CELSR2: variants seen among roughly 807,000 people sequenced by gnomAD.
The protein encoded by CELSR2 is EGF-like protein 2.
Under a neutral mutation model 251.6 loss-of-function variants are expected in CELSR2, and 81 were observed. That is an observed-to-expected ratio of 0.32 (90% CI 0.27 to 0.39). The LOEUF (loss-of-function observed/expected upper bound fraction) is 0.39, where lower values mean the gene tolerates loss of function less well. Among genes scored for constraint, CELSR2 ranks in the 10% least tolerant of loss-of-function variants. The probability of loss-of-function intolerance (pLI) is 1.00; values close to 1 mark genes in which losing one functional copy is unlikely to be tolerated. For missense variants in CELSR2, 3,365 were observed against 3,947.7 expected, an observed-to-expected ratio of 0.85 and a Z score of 3.96; for synonymous variants, 1,721 against 1,670.5, an observed-to-expected ratio of 1.03 and a Z score of -0.74.
At position 109,271,376 on chromosome 1, in the gene CELSR2, C is replaced by G; in HGVS notation, c.7677-10C>G. On this transcript the variant is annotated splice_polypyrimidine_tract_variant and intron_variant, in intron 26 of 33. Coordinates refer to ENST00000271332, the MANE Select transcript of CELSR2 (RefSeq NM_001408.3). The stretch of plus-strand genomic sequence containing the variant: ...TCATGGCCGGACTCATGGCCTGTCC[C>G]TATCCCCAGCTCGGGCCTGCAGCCC... 5 of 1,613,326 alleles carry G rather than the reference C, an allele frequency of 3.1e-6. No homozygotes were observed. Among genetic ancestry groups the G allele is most frequent in the Non-Finnish European group, 4.2e-6 (5 of 1,179,902 alleles).
intron 15 of CELSR2, 158 bp downstream of exon 15, chr1:109,266,364 T>G (rs1362712099): frequency 3.5e-6 from 3 of 851,516 alleles, no homozygotes; most frequent in Non-Finnish European, 3.5e-6. Flanking sequence ...CATTCCCCCT[T>G]CCCCATGTTG....
At position 109,251,554 on chromosome 1, in the gene CELSR2, C is replaced by T. The variant is rs770503066; in HGVS notation, c.1475C>T (p.Thr492Ile). The T allele has an allele frequency of 6.2e-7, 1 of 1,613,694 alleles. No individual in the cohort carries two copies. Among genetic ancestry groups the T allele is most frequent in the East Asian group, 2.2e-5 (1 of 44,878 alleles). Residue 492 changes from threonine (T) to isoleucine (I), a missense_variant, in exon 1 of 34, where the codon ACA becomes ATA. Physicochemically the swap from Thr to Ile is moderately conservative, Grantham distance 89. Around this residue, in one of 5 missense-constraint regions of CELSR2, gnomAD observed 704 missense variants for 784.1 expected, o/e 0.90. Coordinates refer to ENST00000271332, the MANE Select transcript of CELSR2 (RefSeq NM_001408.3). The surrounding 1 kb of genome is among the most constrained non-coding windows in gnomAD (Gnocchi z 4.9). ...CTCTCTAATGTCTCTGGCTTGGTGA[C>T]AGTACAGGTCCTGGATATCAACGAC... ...PPLSNVSGLV[T>I]VQVLDINDNA... is the part of the protein sequence containing the mutation.
rs763213719 is a variant in CELSR2 at position 109,250,844 on chromosome 1, C to T, written c.765C>T (p.His255=). 92 of 1,613,922 alleles carry T rather than the reference C, an allele frequency of 5.7e-5. No individual in the cohort carries two copies. Among genetic ancestry groups the T allele is most frequent in the Non-Finnish European group, 7.1e-5 (84 of 1,180,042 alleles). ...EELDRETKST[H]VFRVTAQDHG... is the part of the protein sequence containing the mutation. ...TGGATCGTGAGACCAAGAGCACCCA[C>T]GTCTTCAGGGTCACGGCGCAGGACC... Residue 255 remains histidine, a synonymous_variant, in exon 1 of 34, where the codon CAC becomes CAT. Transcript: ENST00000271332. This position sits in a 1 kb window ranked among gnomAD's most constrained non-coding sequence, Gnocchi z 4.4.
chr1:109,273,163 C>A lies in CELSR2; in HGVS notation c.8339-3C>A, dbSNP rs376959099. Reference sequence around the variant, plus strand: ...GGCCTCATCTACTTCCTTTCCCCACCAGATGGGGGCCCAGGGCCTGGCAAG... The same window carrying A: ...GGCCTCATCTACTTCCTTTCCCCACAAGATGGGGGCCCAGGGCCTGGCAAG... On this transcript the variant is annotated splice_region_variant and splice_polypyrimidine_tract_variant and intron_variant, in intron 31 of 33. Coordinates refer to ENST00000271332, the MANE Select transcript of CELSR2 (RefSeq NM_001408.3). 1.9e-6 allele frequency: 3 copies of A among 1,610,460 alleles called. No individual in the cohort carries two copies. The highest frequency in any genetic ancestry group is 2.7e-5 in the African/African-American group (2 of 74,606).
At chr1:109,256,393 G>A (rs1479578958) in intron 1 of CELSR2, among the ~76,000 whole-genome samples, 1 of 152,192 alleles carries the variant, frequency 6.6e-6, no homozygotes, top group Non-Finnish European at 1.5e-5. Context: ...AGCAAGTGAT[G>A]AGGCTGGAGG....
chr1:109,267,726 G>C lies in CELSR2; in HGVS notation c.6108+84G>C. The C allele has an allele frequency of 3.2e-6, 5 of 1,563,120 alleles. No homozygotes were observed. In the Middle Eastern group the frequency reaches 5.1e-4, roughly 159 times the overall value. ...CCCCACTCCCATCTTTGAGAACGGG[G>C]CTTCTGGAATTCCAGCCTGTGTGTT... On this transcript the variant is annotated intron_variant, in intron 16 of 33. Coordinates refer to ENST00000271332, the MANE Select transcript of CELSR2 (RefSeq NM_001408.3).
rs59201433 is a variant in CELSR2 at position 109,250,113 on chromosome 1, ACGCCGC to A, written c.44_49del (p.Pro15_Pro16del). 1.3e-6 allele frequency: 2 copies of A among 1,514,750 alleles called. No homozygotes were observed. The highest frequency in any genetic ancestry group is 1.8e-6 in the Non-Finnish European group (2 of 1,122,142). 93.8% of individuals were successfully genotyped at this position (1,514,750 alleles called of 1,614,324 possible). A position where few individuals can be genotyped will look rare whatever the true frequency, so the allele number is the denominator to read the frequency against. On this transcript the variant is annotated inframe_deletion, in exon 1 of 34. Transcript: ENST00000271332. This position sits in a 1 kb window ranked among gnomAD's most constrained non-coding sequence, Gnocchi z 4.4. ...CCCGGCCACCGGCGTCCCCCTCCCA[ACGCCGC>A]CGCCGCCGCTGCTGCTGCTGTTGCT...
In CELSR2 at chr1:109,251,204, C is replaced by A; in HGVS notation, c.1125C>A (p.Asp375Glu). The A allele has an allele frequency of 2.5e-6, 4 of 1,613,834 alleles. No individual in the cohort carries two copies. The highest frequency in any genetic ancestry group is 3.4e-6 in the Non-Finnish European group (4 of 1,179,998). The change falls in exon 1 of 34, where the codon GAC becomes GAA. Residue 375 changes from aspartate (D) to glutamate (E), a missense_variant. Coordinates refer to ENST00000271332, the MANE Select transcript of CELSR2 (RefSeq NM_001408.3). This position sits in a 1 kb window ranked among gnomAD's most constrained non-coding sequence, Gnocchi z 4.9. ...TAGAGGCAAGTGACCAGGGTCGGGA[C>A]CCGGGTCCTCGGAGTACCACAGCCG... ...LTVEASDQGR[D>E]PGPRSTTAAV... is the part of the protein sequence containing the mutation.
rs539557818 is a variant in CELSR2, at chr1:109,267,543, C to T, written c.6014-5C>T. ...AGGCCGGCCCTTTTGGCTTCCTTCC[C>T]CCAGGGACTGCTGTGCGCCACTGTG... On this transcript the variant is annotated splice_region_variant and splice_polypyrimidine_tract_variant and intron_variant, in intron 15 of 33. Coordinates refer to ENST00000271332, the MANE Select transcript of CELSR2 (RefSeq NM_001408.3). The T allele has an allele frequency of 8.1e-6, 13 of 1,613,310 alleles. No individual in the cohort carries two copies. The South Asian group carries it at 1.1e-4, about 14-fold the overall frequency.
In CELSR2 at chr1:109,261,673, C is replaced by T; in HGVS notation, c.4297+45C>T. On this transcript the variant is annotated intron_variant, in intron 4 of 33. Coordinates refer to ENST00000271332, the MANE Select transcript of CELSR2 (RefSeq NM_001408.3). The surrounding 1 kb of genome is among the most constrained non-coding windows in gnomAD (Gnocchi z 4.8). ...ATCCTTGCCCATCTTCCAAAGGCCC[C>T]AAGTCTTCCAGCCCCTGACCCCAAG... 1 of 1,580,180 alleles carries T rather than the reference C, an allele frequency of 6.3e-7. No individual in the cohort carries two copies. The highest frequency in any genetic ancestry group is 8.7e-7 in the Non-Finnish European group (1 of 1,149,482).
Position 109,264,881 on chromosome 1 carries a change from C to G in CELSR2, c.5478C>G (p.Asp1826Glu). ...SCSCDPGYYG[D>E]NCTNVCDLNP... ...TTCTGGTCCCAGGTTACTATGGTGA[C>G]AACTGTACTAATGTGTGTGACCTGA... is the stretch of plus-strand genomic sequence containing the variant. Residue 1826 changes from aspartate to glutamate, a missense_variant, in exon 12 of 34, where the codon GAC (aspartate) becomes GAG (glutamate). This residue lies in a region of CELSR2 where 2,093 missense variants were observed against 2,382.8 expected (regional missense o/e 0.88). Transcript: ENST00000271332. 7 of 1,614,194 alleles carry G rather than the reference C, an allele frequency of 4.3e-6. No individual in the cohort carries two copies. Among genetic ancestry groups the G allele is most frequent in the African/African-American group, 1.3e-5 (1 of 75,046 alleles).
At chr1:109,266,972 C>T (rs1196521146) in intron 15 of CELSR2, among the ~76,000 whole-genome samples, 5 of 152,130 alleles carry the variant, frequency 3.3e-5, no homozygotes, top group Admixed American at 6.5e-5. Flanking sequence ...CAGCCCGCCT[C>T]GGCCTCCCAA....
intron 1 of CELSR2, 58 bp from the exon 2 acceptor site, chr1:109,258,374 G>T (rs1390073787): frequency 1.2e-5 from 15 of 1,269,868 alleles, no homozygotes; most frequent in African/African-American, 3.0e-5. Context: ...GGTGGTGCAG[G>T]AATATGCAGG....
chr1:109,263,581 G>A (rs201989775), intron 8 of CELSR2, 30 bp from the exon 9 acceptor site: 57 of 1,609,758 alleles, frequency 3.5e-5, no homozygotes, highest in Middle Eastern at 3.3e-4. Context: ...GGCTCCACCC[G>A]TCACAGTCTG....
At chr1:109,253,941 G>A (rs762644329) in intron 1 of CELSR2, among the ~76,000 whole-genome samples, 33 of 152,260 alleles carry the variant, frequency 2.2e-4, no homozygotes, top group Non-Finnish European at 4.3e-4. Context: ...AGAATCGGCT[G>A]ACAGGGACTT....
At chr1:109,272,195 C>A in intron 28 of CELSR2, 83 bp from the exon 29 acceptor site, 1 of 1,479,882 alleles carries the variant, frequency 6.8e-7, no homozygotes, top group Non-Finnish European at 9.1e-7. Context: ...GAACTTAGGG[C>A]AAGTTCCCTC....
At chr1:109,273,917 G>A (rs1656451074) in intron 33 of CELSR2, 105 bp from the exon 34 acceptor site, 1 of 1,444,688 alleles carries the variant, frequency 6.9e-7, no homozygotes, top group Non-Finnish European at 9.7e-7. Context: ...GGGAGCTGGG[G>A]GTGCTTTCCT....
intron 1 of CELSR2, among the ~76,000 whole-genome samples, chr1:109,255,289 A>G (rs901811259): frequency 6.6e-6 from 1 of 152,052 alleles, no homozygotes; most frequent in Non-Finnish European, 1.5e-5. Context: ...GCCCTGCAGC[A>G]CTGCCTCTCT....
chr1:109,268,450 G>T, intron 17 of CELSR2, 131 bp from the exon 18 acceptor site: 1 of 1,229,768 alleles, frequency 8.1e-7, no homozygotes, highest in Non-Finnish European at 1.1e-6. Context: ...CATTTCAGGG[G>T]AGGCAACAGT....
Sources: gnomAD v4.1 joint callset for allele counts (sites outside exome capture counted in the v4.1 genomes callset) on GRCh38, gnomAD v4.1.1 for gene constraint, gnomAD v4.1.1 regional missense constraint, Gnocchi (gnomAD v3.1) non-coding constraint, MANE v1.5 for transcripts, NCBI Gene and HGNC (gene_info 2026-07-23, HGNC 2026-07-21) for gene names.